The following KLF15 variants were observed in gnomAD, a reference collection of about 807,000 sequenced individuals.
The protein encoded by KLF15 is KLF transcription factor 15.
KLF15 carries 4 observed loss-of-function variants against 24.6 expected under a neutral mutation model. The ratio of observed to expected loss-of-function variants is 0.16; its 90% CI spans 0.08 to 0.37. The LOEUF (loss-of-function observed/expected upper bound fraction) is 0.37. Ranked by LOEUF, KLF15 falls within the 10% of genes least tolerant of loss-of-function variation. The pLI is 1.00. For missense variants in KLF15, 496 were observed against 560.6 expected, an observed-to-expected ratio of 0.88 and a Z score of 1.16; for synonymous variants, 246 against 236.3, an observed-to-expected ratio of 1.04 and a Z score of -0.37.
At chr3:126,297,742 G>A in the KLF15 span, among the ~76,000 whole-genome samples, 3 of 151,962 alleles carry the variant, frequency 2.0e-5, no homozygotes, top group Non-Finnish European at 4.4e-5. Context: ...CATTATTCAT[G>A]GCCTCCAGCT....
At chr3:126,305,958 G>T in the KLF15 span, among the ~76,000 whole-genome samples, 1 of 152,194 alleles carries the variant, frequency 6.6e-6, no homozygotes, top group Non-Finnish European at 1.5e-5. Flanking sequence ...ATTGTGCTTG[G>T]CAAGTGGCTG....
the KLF15 span, among the ~76,000 whole-genome samples, chr3:126,299,421 A>G: frequency 1.3e-5 from 2 of 151,984 alleles, no homozygotes; most frequent in Non-Finnish European, 2.9e-5. Context: ...CTCATTGGTT[A>G]GCCCTAATCT....
At chr3:126,299,410 A>G in the KLF15 span, among the ~76,000 whole-genome samples, 51,913 of 151,784 alleles carry the variant, frequency 0.34, 9,648 homozygotes, top group Non-Finnish European at 0.43. Flanking sequence ...GTTAAAATGA[A>G]CTCATTGGTT....
the KLF15 span, among the ~76,000 whole-genome samples, chr3:126,316,690 C>G: frequency 6.8e-6 from 1 of 146,016 alleles, no homozygotes; most frequent in South Asian, 2.2e-4. Flanking sequence ...GCTGGGAGTC[C>G]ACAGGCCGGA....
chr3:126,355,756 G>A (rs1344526056), intron 1 of KLF15, among the ~76,000 whole-genome samples: 2 of 152,218 alleles, frequency 1.3e-5, no homozygotes, highest in African/African-American at 4.8e-5. Flanking sequence ...AGCGGGGGAG[G>A]TCGGAGAGTA....
the KLF15 span, among the ~76,000 whole-genome samples, chr3:126,292,378 C>G: frequency 6.6e-6 from 1 of 152,332 alleles, no homozygotes; most frequent in Admixed American, 6.5e-5. Flanking sequence ...CTCCAGAAAA[C>G]CCCTGGGCCA....
the KLF15 span, chr3:126,294,120 G>A: frequency 1.3e-5 from 2 of 152,262 alleles, no homozygotes; most frequent in African/African-American, 2.4e-5. Flanking sequence ...TTGGACTGAG[G>A]TAATGCCTTT....
At chr3:126,291,319 T>A in the KLF15 span, 1 of 152,182 alleles carries the variant, frequency 6.6e-6, no homozygotes. Flanking sequence ...CTGCGAAACA[T>A]CAGACTGACA....
chr3:126,330,678 G>T, the KLF15 span, among the ~76,000 whole-genome samples: 250 of 152,232 alleles, frequency 1.6e-3, no homozygotes, highest in African/African-American at 5.9e-3. Flanking sequence ...GACTTAACAA[G>T]ACATTTCTTC....
At chr3:126,299,302 T>A in the KLF15 span, among the ~76,000 whole-genome samples, 1 of 152,214 alleles carries the variant, frequency 6.6e-6, no homozygotes, top group Admixed American at 6.5e-5. Flanking sequence ...ATTCTCAGCT[T>A]GGCTGTTGTT....
At chr3:126,350,756 AAAGC>A (rs1331908212) in intron 2 of KLF15, among the ~76,000 whole-genome samples, 10 of 152,264 alleles carry the variant, frequency 6.6e-5, no homozygotes, top group Admixed American at 6.5e-4. Flanking sequence ...AGACACAAAG[AAAGC>A]AAGATGCATA....
At chr3:126,314,153 G>A in the KLF15 span, among the ~76,000 whole-genome samples, 408 of 152,042 alleles carry the variant, frequency 2.7e-3, no homozygotes, top group African/African-American at 9.6e-3. Context: ...TCACCCAGAG[G>A]GACTCATCCT....
intron 1 of KLF15, chr3:126,354,051 G>A (rs568756762): frequency 3.3e-5 from 5 of 152,498 alleles, no homozygotes; most frequent in East Asian, 3.9e-4. Context: ...CTCCCCCTGA[G>A]ACAGTGCACT....
downstream of KLF15, among the ~76,000 whole-genome samples, chr3:126,339,332 TC>T (rs796371189): frequency 3.7e-4 from 56 of 152,292 alleles, no homozygotes; most frequent in African/African-American, 1.3e-3. Flanking sequence ...TTTCTTGCAA[TC>T]CCCCGCTATC....
chr3:126,299,165 T>C, the KLF15 span, among the ~76,000 whole-genome samples: 1 of 152,156 alleles, frequency 6.6e-6, no homozygotes, highest in Non-Finnish European at 1.5e-5. Flanking sequence ...GTAGTTTTCC[T>C]TGTAGAGATC....
the KLF15 span, among the ~76,000 whole-genome samples, chr3:126,292,927 C>T: frequency 1.3e-5 from 2 of 151,726 alleles, no homozygotes; most frequent in African/African-American, 2.4e-5. Context: ...GGAGAAGAGA[C>T]GAAGGGGCAG....
the KLF15 span, among the ~76,000 whole-genome samples, chr3:126,301,884 G>T: frequency 6.6e-6 from 1 of 151,772 alleles, no homozygotes; most frequent in Non-Finnish European, 1.5e-5. Context: ...CAAAGTGCTG[G>T]GATTACAGGA....
chr3:126,343,459 C>T lies in KLF15; in HGVS notation c.*268G>A, dbSNP rs1197418264. On this transcript the variant is annotated 3_prime_UTR_variant, in exon 3 of 3. Transcript: ENST00000296233. ...GGCTGCAGCAGAGGCCTGGCCACCG[C>T]GGGAAGGCACGAAGGCACGAAGGCA... The T allele has an allele frequency of 2.3e-6, 1 of 439,578 alleles. No homozygotes were observed. The allele number at this position is 439,578 out of a possible 1,614,324, so 27.2% of individuals were successfully genotyped here. A position where few individuals can be genotyped will look rare whatever the true frequency, so the allele number is the denominator to read the frequency against.
the KLF15 span, among the ~76,000 whole-genome samples, chr3:126,296,166 T>A: frequency 6.6e-6 from 1 of 152,234 alleles, no homozygotes; most frequent in Non-Finnish European, 1.5e-5. Context: ...ATTGTTCATG[T>A]TTCTCAGCCT....
Sources: allele counts gnomAD v4.1 joint callset (sites outside exome capture counted in the v4.1 genomes callset), GRCh38; gene constraint gnomAD v4.1.1; transcripts MANE v1.5; gene names NCBI Gene and HGNC (gene_info 2026-07-23, HGNC 2026-07-21).